Variants in ANKFY1 observed in about 807,000 individuals in gnomAD.
ANKFY1 encodes the protein ankyrin repeat and FYVE domain containing 1, also known as ankyrin repeat and FYVE domain-containing protein 1.
In ANKFY1, 47 loss-of-function variants were observed where a neutral mutation model predicts 128.3. That is an observed-to-expected ratio of 0.37 (90% CI 0.29 to 0.47). The LOEUF is 0.47. Ranked by LOEUF, ANKFY1 falls within the 20% of genes least tolerant of loss-of-function variation. ANKFY1 has a pLI of 1.00. For missense variants in ANKFY1, 1,222 were observed against 1,510.6 expected, an observed-to-expected ratio of 0.81 and a Z score of 3.17; for synonymous variants, 553 against 601.6, an observed-to-expected ratio of 0.92 and a Z score of 1.18.
intron 19 of ANKFY1, among the ~76,000 whole-genome samples, chr17:4,174,797 A>G (rs1444560253): frequency 3.9e-5 from 6 of 152,012 alleles, no homozygotes; most frequent in Non-Finnish European, 8.8e-5. Flanking sequence ...ATCATAGCTC[A>G]CTGCAGCCTT....
chr17:4,208,364 C>T (rs924781850), intron 5 of ANKFY1, among the ~76,000 whole-genome samples: 1 of 152,188 alleles, frequency 6.6e-6, no homozygotes, highest in African/African-American at 2.4e-5. Flanking sequence ...CCTCACTCTC[C>T]TCCAGCATTA....
Position 4,229,240 on chromosome 17 carries a change from G to A in ANKFY1, c.322+6532C>T, listed in dbSNP as rs551083567. ...GGAGTTCAAGACCGGCATGGCCAAC[G>A]TGGCAAAACCCCATCTCTACTAAAA... On this transcript the variant is annotated intron_variant, in intron 3 of 24. Transcript: ENST00000341657. 2.2e-4 allele frequency among the ~76,000 whole-genome samples: 33 copies of A among 152,122 alleles called. No homozygotes were observed. In the East Asian group the frequency reaches 3.7e-3, roughly 17 times the overall value.
At chr17:4,223,957 G>C in intron 3 of ANKFY1, 1 of 549,716 alleles carries the variant, frequency 1.8e-6, no homozygotes, top group Admixed American at 3.2e-5. Context: ...TTTAGAATCT[G>C]AACTTTTTAA....
At chr17:4,212,091 C>T (rs1470982561) in intron 4 of ANKFY1, among the ~76,000 whole-genome samples, 2 of 152,106 alleles carry the variant, frequency 1.3e-5, no homozygotes, top group Non-Finnish European at 2.9e-5. Context: ...TGAGACCAGG[C>T]CCATGGGGAA....
chr17:4,168,133 G>GGT, intron 24 of ANKFY1: 1 of 348,598 alleles, frequency 2.9e-6, no homozygotes, highest in Non-Finnish European at 5.2e-6. Context: ...ACTGAAGAAG[G>GGT]CTTTTTTTTT....
chr17:4,241,757 G>A (rs983892594), intron 2 of ANKFY1, among the ~76,000 whole-genome samples: 1 of 151,864 alleles, frequency 6.6e-6, no homozygotes, highest in Non-Finnish European at 1.5e-5. Flanking sequence ...CATGACTCCC[G>A]CACTCTTTGC....
At chr17:4,222,248 C>A in intron 3 of ANKFY1, 3 of 448,498 alleles carry the variant, frequency 6.7e-6, no homozygotes, top group South Asian at 5.6e-5. Flanking sequence ...GAGCTGCAGT[C>A]GGCGGCCGCG....
chr17:4,263,577 C>G, intron 1 of ANKFY1: 3 of 1,521,084 alleles, frequency 2.0e-6, no homozygotes, highest in South Asian at 2.4e-5. Context: ...GTTTCGATTT[C>G]CTAAGGAGAA....
chr17:4,210,427 G>C (rs565253205), intron 4 of ANKFY1, among the ~76,000 whole-genome samples: 4 of 152,122 alleles, frequency 2.6e-5, no homozygotes, highest in African/African-American at 7.2e-5. Flanking sequence ...AAGCTCTCCC[G>C]GCTGGGTGCA....
At chr17:4,189,551 C>T in intron 10 of ANKFY1, 72 bp from the exon 11 acceptor site, 1 of 1,322,418 alleles carries the variant, frequency 7.6e-7, no homozygotes, top group Non-Finnish European at 1.0e-6. Flanking sequence ...ACACCCTGCT[C>T]TTCCCTGCCA....
At chr17:4,202,601 G>A (rs2059950338) in intron 7 of ANKFY1, among the ~76,000 whole-genome samples, 1 of 149,554 alleles carries the variant, frequency 6.7e-6, no homozygotes, top group African/African-American at 2.5e-5. Context: ...GGAGGCTGAG[G>A]CAGGAGAATG....
rs766422361 is a variant in ANKFY1 at position 4,173,442 on chromosome 17, G to T, written c.2926C>A (p.Leu976Ile). ...CGGCCGTGCATGACAGCAAGATGAA[G>T]AGCTGGGAAGTAAATCCTCTTACTA... is the stretch of plus-strand genomic sequence containing the variant. ...AAVDENGNNA[L>I]HLAVMHGRLN... Residue 976 changes from leucine to isoleucine, a missense_variant and splice_region_variant, in exon 21 of 25, where the codon CTT becomes ATT. Physicochemically the swap from Leu to Ile is conservative, Grantham distance 5. Coordinates refer to ENST00000341657, the MANE Select transcript of ANKFY1 (RefSeq NM_001330063.2). 6 of 1,614,050 alleles carry T rather than the reference G, an allele frequency of 3.7e-6. No individual in the cohort carries two copies. Among genetic ancestry groups the T allele is most frequent in the Non-Finnish European group, 4.2e-6 (5 of 1,179,912 alleles).
intron 3 of ANKFY1, among the ~76,000 whole-genome samples, chr17:4,219,914 C>T (rs558307356): frequency 2.0e-5 from 3 of 152,034 alleles, no homozygotes; most frequent in Admixed American, 6.6e-5. Flanking sequence ...CTCTGCCTCC[C>T]GGGTTCAAGA....
At position 4,206,427 on chromosome 17, in the gene ANKFY1, G is replaced by C. The variant is rs3744671; in HGVS notation, c.792C>G (p.Leu264=). 7 of 1,613,982 alleles carry C rather than the reference G, an allele frequency of 4.3e-6. No homozygotes were observed. The highest frequency in any genetic ancestry group is 1.7e-6 in the Non-Finnish European group (2 of 1,180,032). Residue 264 remains leucine (L), a synonymous_variant, in exon 7 of 25, where the codon CTC becomes CTG. Transcript: ENST00000341657. ...TGGCAATACTCTCCAGTCGTCGTGA[G>C]AGGGCTAGATCTAATGCCAGATCTC... The part of the protein sequence containing the change: ...HNGDLALDLA[L]SRRLESIATT...
intron 1 of ANKFY1, among the ~76,000 whole-genome samples, chr17:4,244,971 C>A (rs1406632035): frequency 6.6e-6 from 1 of 152,060 alleles, no homozygotes; most frequent in African/African-American, 2.4e-5. Flanking sequence ...ACCTGCCATT[C>A]CCTCTTCTGT....
intron 5 of ANKFY1, 134 bp from the exon 6 acceptor site, chr17:4,208,216 C>A: frequency 2.6e-6 from 2 of 761,872 alleles, no homozygotes; most frequent in Non-Finnish European, 3.9e-6. Context: ...ATTTATTTCT[C>A]CCCAAAACCC....
Position 4,170,780 on chromosome 17 carries a change from T to G in ANKFY1, c.3221A>C (p.Asn1074Thr). The G allele has an allele frequency of 6.2e-7, 1 of 1,614,174 alleles. No homozygotes were observed. The highest frequency in any genetic ancestry group is 8.5e-7 in the Non-Finnish European group (1 of 1,180,022). Residue 1074 changes from asparagine (N) to threonine (T), a missense_variant, in exon 23 of 25, where the codon AAC becomes ACC. By Grantham distance (65) the Asn-to-Thr change is moderately conservative. Coordinates refer to ENST00000341657, the MANE Select transcript of ANKFY1 (RefSeq NM_001330063.2). ...VRSGARLGVNNNQGVNIFNYQ... is the reference protein window; with the variant it reads ...VRSGARLGVNTNQGVNIFNYQ... ...GTTGAAGATGTTGACTCCCTGGTTG[T>G]TATTCACCCCGAGGCGAGCCCCCGA...
rs868383749 is a variant in ANKFY1, at chr17:4,251,550, C to A, written c.11-9102G>T. On this transcript the variant is annotated intron_variant, in intron 1 of 24. Coordinates refer to ENST00000341657, the MANE Select transcript of ANKFY1 (RefSeq NM_001330063.2). ...AAATAAAAATTAAAAAAAAAAAAAA[C>A]AAAAACTACAGAACTTCCAGACTAA... Among the ~76,000 whole-genome samples the A allele has an allele frequency of 2.3e-3, 291 of 127,586 alleles. 1 individual carries two copies. Among genetic ancestry groups the A allele is most frequent in the East Asian group, 7.0e-3 (30 of 4,296 alleles). The allele number at this position is 127,586 out of a possible 152,430, so 83.7% of individuals were successfully genotyped here.
chr17:4,195,149 C>T lies in ANKFY1; in HGVS notation c.1201G>A (p.Gly401Ser). 1.2e-6 allele frequency: 2 copies of T among 1,610,874 alleles called. No homozygotes were observed. Among genetic ancestry groups the T allele is most frequent in the South Asian group, 1.1e-5 (1 of 90,972 alleles). ...QLDLELKDHE[G>S]STALWLAVQH... ...ACTGCCAGCCACAGAGCCGTGCTGCCCTCGTGGTCTTTGAGTTCTAAATCT... is the reference window on the plus strand; with the variant it reads ...ACTGCCAGCCACAGAGCCGTGCTGCTCTCGTGGTCTTTGAGTTCTAAATCT... The change falls in exon 10 of 25, where the codon GGC becomes AGC. Residue 401 changes from glycine (G) to serine (S), a missense_variant. Transcript: ENST00000341657.
Sources: gnomAD v4.1 joint callset for allele counts (sites outside exome capture counted in the v4.1 genomes callset) on GRCh38, gnomAD v4.1.1 for gene constraint, MANE v1.5 for transcripts, NCBI Gene and HGNC (gene_info 2026-07-23, HGNC 2026-07-21) for gene names.